TSNARE1: variants seen among roughly 807,000 people sequenced by gnomAD.
TSNARE1 encodes t-SNARE domain containing 1.
A neutral mutation model predicts 62.0 loss-of-function variants in TSNARE1; 49 were observed. The observed-to-expected ratio is 0.79, with a 90% CI of 0.63 to 1.00. The LOEUF (loss-of-function observed/expected upper bound fraction) is 1.00. TSNARE1 is among the 50% of genes least tolerant of loss of function. The pLI, the probability that TSNARE1 is intolerant of heterozygous loss-of-function variation, is 0.00. For synonymous variants in TSNARE1, 328 were observed against 294.4 expected, an observed-to-expected ratio of 1.11 and a Z score of -1.17; for missense variants, 755 against 700.1, an observed-to-expected ratio of 1.08 and a Z score of -0.88.
intron 13 of TSNARE1, among the ~76,000 whole-genome samples, chr8:142,226,887 C>T (rs1485332281): frequency 6.6e-6 from 1 of 152,094 alleles, no homozygotes; most frequent in East Asian, 1.9e-4. Context: ...TGCTGAGCCT[C>T]ATCTGGAAAA....
intron 2 of TSNARE1, among the ~76,000 whole-genome samples, chr8:142,347,500 GAC>G (rs958521478): frequency 5.3e-5 from 8 of 152,194 alleles, no homozygotes; most frequent in African/African-American, 1.7e-4. Flanking sequence ...TCTGCACAGA[GAC>G]ACACTCTCCA....
At position 142,315,025 on chromosome 8, in the gene TSNARE1, T is replaced by G. The variant is rs749329318; in HGVS notation, c.1052A>C (p.Gln351Pro). The change falls in exon 8 of 14, where the codon CAG becomes CCG. Residue 351 changes from glutamine to proline, a missense_variant. Gln to Pro is a moderately conservative substitution (Grantham distance 76). Transcript: ENST00000524325. ...RLKTQLSDAI[Q>P]CYGVVQKKIA... ...CACCTTCTGCACCACTCCATAGCAC[T>G]GAATGGCATCTGAGAGCTGGGTTTT... 3.1e-6 allele frequency: 5 copies of G among 1,614,134 alleles called. No individual in the cohort carries two copies. The highest frequency in any genetic ancestry group is 3.4e-6 in the Non-Finnish European group (4 of 1,180,012).
rs117180822 is a variant in TSNARE1 at position 142,212,147 on chromosome 8, C to T, written c.*178G>A. ...GACACAGGGGCGAGTGGGGTCAGTG[C>T]AGGGGAGGACAGCAGGCAGCTGTGA... On this transcript the variant is annotated 3_prime_UTR_variant, in exon 14 of 14. Transcript: ENST00000524325. The T allele has an allele frequency of 0.026, 3,890 of 152,512 alleles. 75 individuals carry two copies. Among genetic ancestry groups the T allele is most frequent in the Admixed American group, 0.039 (598 of 15,296 alleles). The allele number at this position is 152,512 out of a possible 1,614,324, so 9.4% of individuals were successfully genotyped here.
chr8:142,245,333 G>C (rs1817843314), intron 12 of TSNARE1, among the ~76,000 whole-genome samples: 1 of 152,238 alleles, frequency 6.6e-6, no homozygotes, highest in East Asian at 1.9e-4. Flanking sequence ...TAGAGAGCTG[G>C]AGACATGCTC....
chr8:142,380,339 A>ACAG (rs2131199605), intron 1 of TSNARE1, among the ~76,000 whole-genome samples: 1 of 152,294 alleles, frequency 6.6e-6, no homozygotes, highest in East Asian at 1.9e-4. Flanking sequence ...ACCACCGGAC[A>ACAG]CAGCAGCAGC....
At chr8:142,393,455 C>T (rs1345401370) in intron 1 of TSNARE1, among the ~76,000 whole-genome samples, 3 of 152,254 alleles carry the variant, frequency 2.0e-5, no homozygotes, top group Non-Finnish European at 4.4e-5. Flanking sequence ...GTGCTACTGT[C>T]CTCGTTCTGC....
At chr8:142,292,502 A>G (rs112198156) in intron 10 of TSNARE1, among the ~76,000 whole-genome samples, 3,908 of 152,206 alleles carry the variant, frequency 0.026, 119 homozygotes, top group Admixed American at 0.083. Context: ...GCGGGCACAG[A>G]CAGGGCGGGA....
chr8:142,225,868 G>A (rs1816747916), intron 13 of TSNARE1, among the ~76,000 whole-genome samples: 1 of 152,220 alleles, frequency 6.6e-6, no homozygotes, highest in African/African-American at 2.4e-5. Flanking sequence ...TGAAGTCTGG[G>A]ATGGAGGAGT....
intron 10 of TSNARE1, among the ~76,000 whole-genome samples, chr8:142,297,000 G>C (rs1046346289): frequency 1.3e-5 from 2 of 152,192 alleles, no homozygotes; most frequent in Non-Finnish European, 2.9e-5. Context: ...GCTACACTCT[G>C]CCTACGGCCA....
At chr8:142,338,043 T>C (rs1309752768) in intron 4 of TSNARE1, among the ~76,000 whole-genome samples, 2 of 152,164 alleles carry the variant, frequency 1.3e-5, no homozygotes, top group Non-Finnish European at 2.9e-5. Context: ...CCAGATTCCA[T>C]CTTCACACCA....
At chr8:142,295,192 C>G (rs1002443707) in intron 10 of TSNARE1, among the ~76,000 whole-genome samples, 1 of 152,228 alleles carries the variant, frequency 6.6e-6, no homozygotes, top group Non-Finnish European at 1.5e-5. Context: ...CCACATGTGA[C>G]TGGCACAACC....
At chr8:142,286,951 T>G (rs1298471900) in intron 10 of TSNARE1, among the ~76,000 whole-genome samples, 1 of 152,222 alleles carries the variant, frequency 6.6e-6, no homozygotes, top group Non-Finnish European at 1.5e-5. Flanking sequence ...TCACCTGTTA[T>G]TGCTGCATTT....
At chr8:142,363,095 C>G (rs28403906) in intron 1 of TSNARE1, among the ~76,000 whole-genome samples, 1 of 152,168 alleles carries the variant, frequency 6.6e-6, no homozygotes, top group African/African-American at 2.4e-5. Context: ...GCCGCCAGCA[C>G]GGAAGAGGAT....
intron 9 of TSNARE1, among the ~76,000 whole-genome samples, chr8:142,306,728 T>C (rs1311195567): frequency 6.6e-6 from 1 of 152,238 alleles, no homozygotes; most frequent in African/African-American, 2.4e-5. Context: ...GCATATCATC[T>C]CATCATTTAT....
intron 10 of TSNARE1, among the ~76,000 whole-genome samples, chr8:142,293,342 C>A (rs907247760): frequency 1.3e-5 from 2 of 152,166 alleles, no homozygotes; most frequent in African/African-American, 2.4e-5. Flanking sequence ...GAGATCCCAG[C>A]GTGGCAGGAG....
At chr8:142,266,914 A>G (rs1180030410) in intron 12 of TSNARE1, among the ~76,000 whole-genome samples, 2 of 152,110 alleles carry the variant, frequency 1.3e-5, no homozygotes, top group Non-Finnish European at 2.9e-5. Context: ...GAAATCTTCG[A>G]GTTTGCTATT....
chr8:142,223,189 C>CTCAT (rs1563756957), intron 13 of TSNARE1, among the ~76,000 whole-genome samples: 6 of 48,318 alleles, frequency 1.2e-4, no homozygotes, highest in Admixed American at 7.2e-4. Context: ...CACTCATTCA[C>CTCAT]TCGTTCACTC....
rs1246339452 is a variant in TSNARE1 at position 142,319,698 on chromosome 8, C to A, written c.894-1064G>T. 6.6e-6 allele frequency among the ~76,000 whole-genome samples: 1 copy of A among 152,180 alleles called. No individual in the cohort carries two copies. Among genetic ancestry groups the A allele is most frequent in the Non-Finnish European group, 1.5e-5 (1 of 68,008 alleles). On this transcript the variant is annotated intron_variant, in intron 6 of 13. Coordinates refer to ENST00000524325, the MANE Select transcript of TSNARE1 (RefSeq NM_145003.5). The surrounding 1 kb of genome is among the most constrained non-coding windows in gnomAD (Gnocchi z 4.9). ...CGACACGTGGGAGCGAGCCTGGCACCACCACTGCAGGCCAAGCCTACAGGA... is the reference window on the plus strand; with the variant it reads ...CGACACGTGGGAGCGAGCCTGGCACAACCACTGCAGGCCAAGCCTACAGGA...
Position 142,274,477 on chromosome 8 carries a change from G to A in TSNARE1, c.1446+304C>T, listed in dbSNP as rs1031781774. 51 of 985,476 alleles carry A rather than the reference G, an allele frequency of 5.2e-5. No individual in the cohort carries two copies. In the East Asian group the frequency reaches 6.8e-4, roughly 13 times the overall value. 61.0% of individuals were successfully genotyped at this position (985,476 alleles called of 1,614,324 possible). A position where few individuals can be genotyped will look rare whatever the true frequency, so the allele number is the denominator to read the frequency against. On this transcript the variant is annotated intron_variant, in intron 12 of 13. Transcript: ENST00000524325. ...CAGCATCTGGCACAGGAGGTGGAGC[G>A]GGAAGGCCCCAAGGGCCCTCCCCTC...
Sources: gnomAD v4.1 joint callset for allele counts (sites outside exome capture counted in the v4.1 genomes callset) on GRCh38, gnomAD v4.1.1 for gene constraint, Gnocchi (gnomAD v3.1) non-coding constraint, MANE v1.5 for transcripts, NCBI Gene and HGNC (gene_info 2026-07-23, HGNC 2026-07-21) for gene names.